The following MAPKAP1 variants were observed in gnomAD, a reference collection of about 807,000 sequenced individuals.
The protein encoded by MAPKAP1 is target of rapamycin complex 2 subunit MAPKAP1.
MAPKAP1 carries 20 observed loss-of-function variants against 65.7 expected under a neutral mutation model. That is an observed-to-expected ratio of 0.30 (90% CI 0.21 to 0.44). The LOEUF is 0.44. Ranked by LOEUF, MAPKAP1 falls within the 20% of genes least tolerant of loss-of-function variation. The probability of loss-of-function intolerance (pLI) is 1.00; values close to 1 mark genes in which losing one functional copy is unlikely to be tolerated. For missense variants in MAPKAP1, 423 were observed against 648.0 expected (o/e 0.65, Z 3.77); for synonymous variants, 222 against 244.3 (o/e 0.91, Z 0.85).
At chr9:125,449,100 T>G (rs1852838711) in intron 10 of MAPKAP1, among the ~76,000 whole-genome samples, 2 of 152,150 alleles carry the variant, frequency 1.3e-5, no homozygotes, top group Admixed American at 6.5e-5. Flanking sequence ...GTTCAAATTA[T>G]TTTGCATTAA....
At chr9:125,518,434 T>C (rs1476599445) in intron 7 of MAPKAP1, among the ~76,000 whole-genome samples, 1 of 151,944 alleles carries the variant, frequency 6.6e-6, no homozygotes. Context: ...CCCAACACTT[T>C]GGGAGGTGCA....
chr9:125,684,101 A>G (rs1228669117), intron 1 of MAPKAP1, among the ~76,000 whole-genome samples: 1 of 152,206 alleles, frequency 6.6e-6, no homozygotes, highest in Non-Finnish European at 1.5e-5. Flanking sequence ...TCATATGAAT[A>G]TTATTTTTAA....
At chr9:125,653,419 T>C (rs1833946772) in intron 4 of MAPKAP1, among the ~76,000 whole-genome samples, 2 of 152,192 alleles carry the variant, frequency 1.3e-5, no homozygotes, top group South Asian at 4.1e-4. Context: ...TGTGGTAAAC[T>C]GTGGGGAAAT....
intron 8 of MAPKAP1, among the ~76,000 whole-genome samples, chr9:125,495,396 C>G (rs1399552337): frequency 1.3e-5 from 2 of 152,200 alleles, no homozygotes. Flanking sequence ...CATGCCCTCA[C>G]TTAGAGCCCA....
chr9:125,469,774 G>T (rs1853828992), intron 9 of MAPKAP1, among the ~76,000 whole-genome samples: 1 of 152,212 alleles, frequency 6.6e-6, no homozygotes. Context: ...AGGAGGGTGA[G>T]AATGTATCAG....
rs942534259 is a variant in MAPKAP1, at chr9:125,559,541, A to G, written c.848+92T>C. 20 of 1,181,946 alleles carry G rather than the reference A, an allele frequency of 1.7e-5. No individual in the cohort carries two copies. In the African/African-American group the frequency reaches 2.8e-4, roughly 16 times the overall value. The allele number at this position is 1,181,946 out of a possible 1,614,324, so 73.2% of individuals were successfully genotyped here. A position where few individuals can be genotyped will look rare whatever the true frequency, so the allele number is the denominator to read the frequency against. ...CCAGTGGACTCTCCAGATGCCAAAT[A>G]TCATTTATTTGATGAACAAAACCAA... is the stretch of plus-strand genomic sequence containing the variant. On this transcript the variant is annotated intron_variant, in intron 6 of 11. Coordinates refer to ENST00000265960, the MANE Select transcript of MAPKAP1 (RefSeq NM_001006617.3).
chr9:125,517,656 A>C (rs1200541660), intron 7 of MAPKAP1, among the ~76,000 whole-genome samples: 1 of 152,206 alleles, frequency 6.6e-6, no homozygotes, highest in Non-Finnish European at 1.5e-5. Flanking sequence ...CGTACCGCTG[A>C]ATTTCCTTCT....
At chr9:125,603,343 T>C (rs1342149784) in intron 4 of MAPKAP1, among the ~76,000 whole-genome samples, 6 of 152,186 alleles carry the variant, frequency 3.9e-5, no homozygotes, top group East Asian at 1.9e-4. Context: ...CAGGTGGCAG[T>C]ACCCAATTGT....
chr9:125,697,514 T>C (rs866323808), intron 1 of MAPKAP1, among the ~76,000 whole-genome samples: 9 of 152,238 alleles, frequency 5.9e-5, no homozygotes, highest in African/African-American at 1.9e-4. Context: ...CATATTAGTA[T>C]GTCACTAAAA....
intron 1 of MAPKAP1, among the ~76,000 whole-genome samples, chr9:125,695,424 G>A (rs570518731): frequency 6.6e-6 from 1 of 152,214 alleles, no homozygotes; most frequent in African/African-American, 2.4e-5. Context: ...TGGCACCTGT[G>A]GGCCTTTTCA....
rs2133084552 is a variant in MAPKAP1 at position 125,506,414 on chromosome 9, G to A, written c.962C>T (p.Pro321Leu). The change falls in exon 8 of 12, where the codon CCT becomes CTT. Residue 321 changes from proline to leucine, a missense_variant. This residue lies in a region of MAPKAP1 where 185 missense variants were observed against 268.1 expected (regional missense o/e 0.69). Coordinates refer to ENST00000265960, the MANE Select transcript of MAPKAP1 (RefSeq NM_001006617.3). ...GCTCTGCTTCTCCAGGCGGTACTGA[G>A]GGCCTGGAAGATCAAAGGGGCAGGA... Reference protein sequence around the residue: ...RRKGSQKVSGPQYRLEKQSEP... With the variant: ...RRKGSQKVSGLQYRLEKQSEP... 6.8e-6 allele frequency: 11 copies of A among 1,613,752 alleles called. No individual in the cohort carries two copies. Among genetic ancestry groups the A allele is most frequent in the East Asian group, 2.2e-5 (1 of 44,886 alleles).
intron 4 of MAPKAP1, among the ~76,000 whole-genome samples, chr9:125,591,561 TACTTATTAAATGAATGAAGC>T (rs1378361221): frequency 6.6e-6 from 1 of 152,256 alleles, no homozygotes; most frequent in Non-Finnish European, 1.5e-5. Flanking sequence ...ATATGATAGA[TACTTATTAAATGAATGAAGC>T]ACTTTATCTT....
intron 7 of MAPKAP1, among the ~76,000 whole-genome samples, chr9:125,524,819 G>A (rs1475481857): frequency 2.0e-5 from 3 of 152,216 alleles, no homozygotes; most frequent in Non-Finnish European, 4.4e-5. Flanking sequence ...TGTTCCCTGG[G>A]AAGTCCTGCT....
intron 10 of MAPKAP1, among the ~76,000 whole-genome samples, chr9:125,461,472 G>C (rs980767649): frequency 4.6e-5 from 7 of 152,312 alleles, no homozygotes; most frequent in East Asian, 3.9e-4. Flanking sequence ...CAGGCCCAAG[G>C]AGAGGTGCAT....
chr9:125,516,702 A>C (rs1329421196), intron 7 of MAPKAP1, among the ~76,000 whole-genome samples: 1 of 152,234 alleles, frequency 6.6e-6, no homozygotes, highest in East Asian at 1.9e-4. Context: ...TCTGGAGTCA[A>C]AAAGACTTGG....
intron 7 of MAPKAP1, among the ~76,000 whole-genome samples, chr9:125,540,252 C>A (rs1395610884): frequency 6.6e-6 from 1 of 152,138 alleles, no homozygotes. Flanking sequence ...GACTGAAGGA[C>A]AAGAGAGCAA....
At chr9:125,528,927 G>C (rs1829854389) in intron 7 of MAPKAP1, among the ~76,000 whole-genome samples, 1 of 151,484 alleles carries the variant, frequency 6.6e-6, no homozygotes, top group African/African-American at 2.4e-5. Context: ...CACTTTGGGA[G>C]GCCAAGGCAG....
At chr9:125,605,792 A>T (rs1365206345) in intron 4 of MAPKAP1, among the ~76,000 whole-genome samples, 1 of 152,228 alleles carries the variant, frequency 6.6e-6, no homozygotes, top group Non-Finnish European at 1.5e-5. Flanking sequence ...AATAAAGTGC[A>T]ACCTCCAGCT....
chr9:125,521,605 AGCTGT>A, intron 7 of MAPKAP1: 5 of 1,485,428 alleles, frequency 3.4e-6, no homozygotes, highest in Non-Finnish European at 4.5e-6. Context: ...AGAGGAATTT[AGCTGT>A]GGGGAACAGA....
Sources: allele counts gnomAD v4.1 joint callset (sites outside exome capture counted in the v4.1 genomes callset), GRCh38; gene constraint gnomAD v4.1.1; regional missense constraint gnomAD v4.1.1; transcripts MANE v1.5; gene names NCBI Gene and HGNC (gene_info 2026-07-23, HGNC 2026-07-21).